Variants in MORN1 observed in about 807,000 individuals in gnomAD.
The protein encoded by MORN1 is MORN repeat-containing protein 1.
A neutral mutation model predicts 61.9 loss-of-function variants in MORN1; 67 were observed. The ratio of observed to expected loss-of-function variants is 1.08; its 90% CI spans 0.89 to 1.33. The LOEUF is 1.33. Among genes scored for constraint, MORN1 ranks in the 40% most tolerant of loss-of-function variants. The probability of loss-of-function intolerance (pLI) is 0.00; values close to 1 mark genes in which losing one functional copy is unlikely to be tolerated. For synonymous variants in MORN1, 301 were observed against 292.0 expected (o/e 1.03, Z -0.31); for missense variants, 752 against 691.2 (o/e 1.09, Z -0.99).
chr1:2,324,466 G>A (rs1447443388), intron 12 of MORN1, among the ~76,000 whole-genome samples: 3 of 152,224 alleles, frequency 2.0e-5, no homozygotes, highest in African/African-American at 7.2e-5. Flanking sequence ...AGGCCTCCCA[G>A]GGTGCAACTG....
At chr1:2,358,782 G>T in intron 8 of MORN1, 67 bp from the exon 9 acceptor site, 3 of 1,545,492 alleles carry the variant, frequency 1.9e-6, no homozygotes, top group Non-Finnish European at 2.6e-6. Flanking sequence ...GCGGGCCCGG[G>T]GCAGGCTTCT....
chr1:2,348,753 A>ACACACGCACG (rs1641580232), intron 10 of MORN1, among the ~76,000 whole-genome samples: 1 of 70,912 alleles, frequency 1.4e-5, no homozygotes, highest in African/African-American at 6.5e-5. Context: ...GGGCACGCAC[A>ACACACGCACG]CACACGCACA....
At chr1:2,390,752 CTTT>C (rs35593344) in intron 1 of MORN1, 23 of 882,016 alleles carry the variant, frequency 2.6e-5, no homozygotes, top group Admixed American at 6.5e-5. Flanking sequence ...AAAACCTGCT[CTTT>C]TTTTTTTTTT....
Position 2,337,400 on chromosome 1 carries a change from G to A in MORN1, c.1037-550C>T, listed in dbSNP as rs1641303983. Among the ~76,000 whole-genome samples, 1 of 152,186 alleles carries A rather than the reference G, an allele frequency of 6.6e-6. No homozygotes were observed. Among genetic ancestry groups the A allele is most frequent in the South Asian group, 2.1e-4 (1 of 4,836 alleles). On this transcript the variant is annotated intron_variant, in intron 10 of 13. Transcript: ENST00000378531. The surrounding 1 kb of genome is among the most constrained non-coding windows in gnomAD (Gnocchi z 5.7). ...GTGGCGGCAGACCCCAGGTCCTCGG[G>A]CATCAGAGGCGGGTGTGGGCGGGCT...
intron 10 of MORN1, among the ~76,000 whole-genome samples, chr1:2,356,787 C>T (rs1025011021): frequency 2.0e-5 from 3 of 152,182 alleles, no homozygotes; most frequent in Admixed American, 6.5e-5. Context: ...GTGCACTGCT[C>T]GCTGCACCGG....
chr1:2,355,503 C>T (rs904647451), intron 10 of MORN1: 1 of 1,548,756 alleles, frequency 6.5e-7, no homozygotes, highest in Non-Finnish European at 8.7e-7. Context: ...GGCTCTGGGG[C>T]TTCTAGCCAC....
chr1:2,358,485 C>G (rs1046939165), intron 9 of MORN1, 107 bp downstream of exon 9: 1 of 1,428,584 alleles, frequency 7.0e-7, no homozygotes, highest in African/African-American at 1.4e-5. Context: ...TTTGTCATAA[C>G]CAGGACTTAG....
At chr1:2,323,751 T>A in intron 13 of MORN1, 1 of 985,350 alleles carries the variant, frequency 1.0e-6, no homozygotes, top group South Asian at 4.7e-5. Flanking sequence ...GTTCAGCCAC[T>A]GTGGGCCTTG....
intron 5 of MORN1, 173 bp downstream of exon 5, chr1:2,385,634 A>T: frequency 1.7e-6 from 1 of 586,866 alleles, no homozygotes; most frequent in Non-Finnish European, 3.0e-6. Context: ...CACCGAAACC[A>T]CAGAATGTGG....
At chr1:2,389,813 T>G in intron 2 of MORN1, 112 bp downstream of exon 2, 1 of 922,804 alleles carries the variant, frequency 1.1e-6, no homozygotes, top group South Asian at 1.4e-5. Context: ...CAGGGTACAA[T>G]GGGCTCGAAA....
chr1:2,387,962 T>C (rs750910056), intron 3 of MORN1: 5 of 466,420 alleles, frequency 1.1e-5, no homozygotes, highest in Non-Finnish European at 1.9e-5. Context: ...CATCTAGGGA[T>C]ACAATGTGGC....
Position 2,387,542 on chromosome 1 carries a change from A to G in MORN1, c.248-13T>C, listed in dbSNP as rs376373368. The G allele has an allele frequency of 1.4e-4, 225 of 1,590,388 alleles. 2 individuals carry two copies. The highest frequency in any genetic ancestry group is 2.2e-4 in the East Asian group (10 of 44,784). Reference sequence around the variant, plus strand: ...GAGAAGGTGTCTCCTGCATGTGGACAAGGAGGAGGGGAGACAGGAGGTTCA... The same window carrying G: ...GAGAAGGTGTCTCCTGCATGTGGACGAGGAGGAGGGGAGACAGGAGGTTCA... On this transcript the variant is annotated splice_polypyrimidine_tract_variant and intron_variant, in intron 3 of 13. Transcript: ENST00000378531.
intron 10 of MORN1, among the ~76,000 whole-genome samples, chr1:2,354,141 C>T (rs1311532622): frequency 6.6e-6 from 1 of 152,074 alleles, no homozygotes; most frequent in Admixed American, 6.6e-5. Flanking sequence ...AAAAATTAGT[C>T]GGGCGAGGTG....
intron 9 of MORN1, among the ~76,000 whole-genome samples, chr1:2,358,341 G>A (rs547118508): frequency 6.6e-6 from 1 of 152,264 alleles, no homozygotes; most frequent in African/African-American, 2.4e-5. Context: ...AGAGGCTTGG[G>A]GGCCGAGCGC....
At chr1:2,345,740 C>T (rs1381735361) in intron 10 of MORN1, among the ~76,000 whole-genome samples, 1 of 152,192 alleles carries the variant, frequency 6.6e-6, no homozygotes, top group East Asian at 1.9e-4. Context: ...CCTGGGTGCC[C>T]ATGCCAGCCA....
intron 12 of MORN1, among the ~76,000 whole-genome samples, chr1:2,330,846 C>T (rs1641132813): frequency 6.6e-6 from 1 of 152,194 alleles, no homozygotes; most frequent in Non-Finnish European, 1.5e-5. Context: ...GGGCCACCCC[C>T]ACCGTTCCTG....
chr1:2,383,718 G>A (rs1401785708), intron 6 of MORN1, among the ~76,000 whole-genome samples: 1 of 84,902 alleles, frequency 1.2e-5, no homozygotes, highest in East Asian at 6.1e-4. Context: ...TGGACGCTCA[G>A]GGGGCCCCTC....
intron 10 of MORN1, among the ~76,000 whole-genome samples, chr1:2,347,163 C>A (rs961990411): frequency 6.6e-6 from 1 of 152,214 alleles, no homozygotes; most frequent in East Asian, 1.9e-4. Context: ...GCCGCCCCCA[C>A]ACAGCTTTGC....
chr1:2,325,140 C>CT (rs371807562), intron 12 of MORN1, among the ~76,000 whole-genome samples: 18 of 6,680 alleles, frequency 2.7e-3, no homozygotes, highest in South Asian at 0.013. Flanking sequence ...CCTTCCCTCC[C>CT]TCCCTCCCTT....
Sources: gnomAD v4.1 joint callset for allele counts (sites outside exome capture counted in the v4.1 genomes callset) on GRCh38, gnomAD v4.1.1 for gene constraint, Gnocchi (gnomAD v3.1) non-coding constraint, MANE v1.5 for transcripts, NCBI Gene and HGNC (gene_info 2026-07-23, HGNC 2026-07-21) for gene names.